The following SGCZ variants were observed in gnomAD, a reference collection of about 807,000 sequenced individuals.
SGCZ encodes zeta-sarcoglycan.
Under a neutral mutation model 41.3 loss-of-function variants are expected in SGCZ, and 40 were observed. The ratio of observed to expected loss-of-function variants is 0.97; its 90% CI spans 0.75 to 1.26. The LOEUF (loss-of-function observed/expected upper bound fraction) is 1.26. Ranked by LOEUF, SGCZ falls within the 50% of genes most tolerant of loss-of-function variation. The probability of loss-of-function intolerance (pLI) is 0.00; values close to 1 mark genes in which losing one functional copy is unlikely to be tolerated. For missense variants in SGCZ, 552 were observed against 369.8 expected (o/e 1.49, Z -4.04); for synonymous variants, 206 against 137.5 (o/e 1.50, Z -3.49).
chr8:14,366,064 T>C (rs1332470034), intron 2 of SGCZ, among the ~76,000 whole-genome samples: 1 of 152,196 alleles, frequency 6.6e-6, no homozygotes, highest in Non-Finnish European at 1.5e-5. Context: ...TTGGAAACTT[T>C]GATCATTTTT....
rs1803973728 is a variant in SGCZ at position 14,554,624 on chromosome 8, C to T, written c.234+108G>A. 5.5e-6 allele frequency: 5 copies of T among 907,532 alleles called. No individual in the cohort carries two copies. The South Asian group carries it at 6.0e-5, about 11-fold the overall frequency. 56.2% of individuals were successfully genotyped at this position (907,532 alleles called of 1,614,324 possible). A position where few individuals can be genotyped will look rare whatever the true frequency, so the allele number is the denominator to read the frequency against. On this transcript the variant is annotated intron_variant, in intron 2 of 7. Coordinates refer to ENST00000382080, the MANE Select transcript of SGCZ (RefSeq NM_139167.4). ...ATTTTCTTTGGGATTTAAAAACACACACTTGTAAATATTGATATGAATAAC... is the reference window on the plus strand; with the variant it reads ...ATTTTCTTTGGGATTTAAAAACACATACTTGTAAATATTGATATGAATAAC...
At chr8:15,105,233 G>C (rs1366117130) in intron 1 of SGCZ, among the ~76,000 whole-genome samples, 1 of 152,090 alleles carries the variant, frequency 6.6e-6, no homozygotes, top group South Asian at 2.1e-4. Context: ...CATATTAATA[G>C]ATCAAATACG....
At chr8:14,642,327 AC>A (rs969328482) in intron 1 of SGCZ, among the ~76,000 whole-genome samples, 1 of 151,632 alleles carries the variant, frequency 6.6e-6, no homozygotes, top group Non-Finnish European at 1.5e-5. Context: ...TTATATAAGA[AC>A]TATACCATCT....
chr8:14,988,689 TTATA>T lies in SGCZ; in HGVS notation c.39+248892_39+248895del, dbSNP rs1275980749. 1.7e-4 allele frequency among the ~76,000 whole-genome samples: 26 copies of T among 152,290 alleles called. 1 individual carries two copies. Among genetic ancestry groups the T allele is most frequent in the African/African-American group, 5.3e-4 (22 of 41,566 alleles). The stretch of plus-strand genomic sequence containing the variant: ...AGCCAAGGAATTCCTAAAAACGTTA[TTATA>T]TATATTGTCAATACATCTTAATAGA... On this transcript the variant is annotated intron_variant, in intron 1 of 7. Coordinates refer to ENST00000382080, the MANE Select transcript of SGCZ (RefSeq NM_139167.4).
At chr8:15,199,676 A>G (rs1800836047) in intron 1 of SGCZ, among the ~76,000 whole-genome samples, 1 of 152,350 alleles carries the variant, frequency 6.6e-6, no homozygotes, top group South Asian at 2.1e-4. Flanking sequence ...ATTTGCTAAC[A>G]CCTGTCAATA....
At chr8:14,736,832 G>T (rs933128240) in intron 1 of SGCZ, among the ~76,000 whole-genome samples, 3 of 151,882 alleles carry the variant, frequency 2.0e-5, no homozygotes, top group Middle Eastern at 3.2e-3. Flanking sequence ...GCTGAGTAAA[G>T]AACTAAAAGT....
rs67472735 is a variant in SGCZ, at chr8:14,489,867, CTT to C, written c.234+64863_234+64864del. On this transcript the variant is annotated intron_variant, in intron 2 of 7. Coordinates refer to ENST00000382080, the MANE Select transcript of SGCZ (RefSeq NM_139167.4). ...CTGGCTCGCCGAAAAATTCTCCTACCTTTTTTTTTTTTTTCCTGAGATGGAGT... is the reference window on the plus strand; with the variant it reads ...CTGGCTCGCCGAAAAATTCTCCTACCTTTTTTTTTTTTCCTGAGATGGAGT... Among the ~76,000 whole-genome samples, 148 of 137,674 alleles carry C rather than the reference CTT, an allele frequency of 1.1e-3. 1 individual carries two copies. Among genetic ancestry groups the C allele is most frequent in the African/African-American group, 4.0e-3 (145 of 36,702 alleles). 90.3% of individuals were successfully genotyped at this position (137,674 alleles called of 152,430 possible).
At chr8:14,431,106 C>G (rs1351622043) in intron 2 of SGCZ, among the ~76,000 whole-genome samples, 1 of 152,092 alleles carries the variant, frequency 6.6e-6, no homozygotes, top group Non-Finnish European at 1.5e-5. Flanking sequence ...TGAAAATGAC[C>G]TCACTATCAA....
chr8:14,315,654 T>C (rs564197679), intron 3 of SGCZ, among the ~76,000 whole-genome samples: 1 of 152,072 alleles, frequency 6.6e-6, no homozygotes, highest in African/African-American at 2.4e-5. Flanking sequence ...CCTAAACACT[T>C]GATAATAACT....
chr8:14,906,217 C>T (rs1483696602), intron 1 of SGCZ, among the ~76,000 whole-genome samples: 1 of 151,962 alleles, frequency 6.6e-6, no homozygotes, highest in Non-Finnish European at 1.5e-5. Flanking sequence ...GAAGACGCTC[C>T]CTAGAGTTTT....
intron 3 of SGCZ, among the ~76,000 whole-genome samples, chr8:14,250,720 G>C (rs1323632330): frequency 6.6e-6 from 1 of 152,058 alleles, no homozygotes; most frequent in African/African-American, 2.4e-5. Flanking sequence ...ATTGGAGTTG[G>C]CCTGACCTGA....
chr8:14,978,470 C>CAAAAAAAAAAAAAAAAAAA (rs59543494), intron 1 of SGCZ, among the ~76,000 whole-genome samples: 4 of 62,826 alleles, frequency 6.4e-5, no homozygotes, highest in African/African-American at 3.3e-4. Flanking sequence ...GACACCGTCA[C>CAAAAAAAAAAAAAAAAAAA]AAAAAAAAAA....
chr8:14,631,677 A>G (rs1473551206), intron 1 of SGCZ, among the ~76,000 whole-genome samples: 1 of 152,112 alleles, frequency 6.6e-6, no homozygotes, highest in East Asian at 1.9e-4. Context: ...TAAAAACGTA[A>G]CACTGACATT....
At chr8:14,628,606 G>A (rs1264643372) in intron 1 of SGCZ, among the ~76,000 whole-genome samples, 1 of 152,198 alleles carries the variant, frequency 6.6e-6, no homozygotes, top group Non-Finnish European at 1.5e-5. Flanking sequence ...CAAGAGAGGA[G>A]CTCTTGTCAA....
intron 1 of SGCZ, among the ~76,000 whole-genome samples, chr8:14,565,524 A>T (rs1332481285): frequency 6.6e-6 from 1 of 152,020 alleles, no homozygotes; most frequent in Non-Finnish European, 1.5e-5. Context: ...CACCATTTAC[A>T]CTAAAATTGC....
intron 1 of SGCZ, among the ~76,000 whole-genome samples, chr8:14,818,249 C>T (rs1801965614): frequency 6.6e-6 from 1 of 152,156 alleles, no homozygotes; most frequent in South Asian, 2.1e-4. Flanking sequence ...CCTGTTAGGC[C>T]TCTGTACACA....
chr8:14,853,131 T>A (rs927426324), intron 1 of SGCZ, among the ~76,000 whole-genome samples: 1 of 152,204 alleles, frequency 6.6e-6, no homozygotes, highest in East Asian at 1.9e-4. Context: ...CATATAAAAC[T>A]TGTACTATTT....
At chr8:14,378,611 T>G (rs1804232949) in intron 2 of SGCZ, among the ~76,000 whole-genome samples, 1 of 152,052 alleles carries the variant, frequency 6.6e-6, no homozygotes, top group Non-Finnish European at 1.5e-5. Context: ...CATCAAAAAG[T>G]GGGCGAAGGA....
chr8:14,597,325 G>A (rs1280011692), intron 1 of SGCZ, among the ~76,000 whole-genome samples: 1 of 152,146 alleles, frequency 6.6e-6, no homozygotes, highest in Non-Finnish European at 1.5e-5. Flanking sequence ...GGACTTTTAA[G>A]TTAGAATGGG....
Sources: allele counts gnomAD v4.1 joint callset (sites outside exome capture counted in the v4.1 genomes callset), GRCh38; gene constraint gnomAD v4.1.1; transcripts MANE v1.5; gene names NCBI Gene and HGNC (gene_info 2026-07-23, HGNC 2026-07-21).